Variants in ZFR2 observed in about 807,000 individuals in gnomAD.
The protein encoded by ZFR2 is zinc finger RNA binding protein 2.
A neutral mutation model predicts 105.7 loss-of-function variants in ZFR2; 104 were observed. The observed-to-expected ratio is 0.98, with a 90% confidence interval of 0.84 to 1.16. ZFR2 has a LOEUF of 1.16. ZFR2 is among the 50% of genes most tolerant of loss of function. ZFR2 has a pLI of 0.00. For missense variants in ZFR2, 1,425 were observed against 1,355.5 expected (o/e 1.05, Z -0.80); for synonymous variants, 634 against 597.7 (o/e 1.06, Z -0.89).
intron 14 of ZFR2, among the ~76,000 whole-genome samples, chr19:3,812,100 C>T (rs1265288781): frequency 8.5e-5 from 13 of 152,102 alleles, no homozygotes; most frequent in East Asian, 1.9e-4. Context: ...CACGCCACCA[C>T]GCCCAGCTAA....
At chr19:3,836,738 A>G (rs1176559471) in intron 1 of ZFR2, among the ~76,000 whole-genome samples, 1 of 152,150 alleles carries the variant, frequency 6.6e-6, no homozygotes, top group Non-Finnish European at 1.5e-5. Flanking sequence ...TAGACGAGAA[A>G]ACCTCCAAGG....
chr19:3,807,555 ACGTGTGTGTC>A (rs2037711015), intron 17 of ZFR2, among the ~76,000 whole-genome samples: 2 of 124,352 alleles, frequency 1.6e-5, no homozygotes, highest in East Asian at 2.4e-4. Context: ...ACATACGCTG[ACGTGTGTGTC>A]CATGCGTGCC....
At chr19:3,867,471 C>T (rs764820182) in intron 1 of ZFR2, among the ~76,000 whole-genome samples, 8 of 151,966 alleles carry the variant, frequency 5.3e-5, no homozygotes, top group Non-Finnish European at 8.8e-5. Flanking sequence ...AAACTTACCC[C>T]GTGTGTGTCC....
chr19:3,868,531 C>T (rs1445459348), intron 1 of ZFR2, among the ~76,000 whole-genome samples: 4 of 152,036 alleles, frequency 2.6e-5, no homozygotes, highest in Non-Finnish European at 5.9e-5. Flanking sequence ...TCCCAGGTCT[C>T]CTCCCTGCAT....
intron 16 of ZFR2, among the ~76,000 whole-genome samples, chr19:3,809,439 T>TC (rs1969612540): frequency 6.6e-6 from 1 of 151,588 alleles, no homozygotes; most frequent in Non-Finnish European, 1.5e-5. Context: ...TCCCACCACG[T>TC]CCCCCCTGTG....
chr19:3,832,639 T>TA (rs1281238204), intron 3 of ZFR2, among the ~76,000 whole-genome samples: 1 of 150,288 alleles, frequency 6.7e-6, no homozygotes, highest in African/African-American at 2.4e-5. Context: ...TTTTTTTTTT[T>TA]TATTTTTTAT....
chr19:3,815,253 C>G (rs1024063208), intron 13 of ZFR2, among the ~76,000 whole-genome samples: 32 of 152,120 alleles, frequency 2.1e-4, no homozygotes, highest in Non-Finnish European at 4.3e-4. Flanking sequence ...CCATGCCCGG[C>G]TAATTTTTGT....
chr19:3,810,690 A>C (rs1157677183), intron 16 of ZFR2, 60 bp downstream of exon 16: 4 of 1,466,472 alleles, frequency 2.7e-6, no homozygotes, highest in Admixed American at 4.3e-5. Context: ...TGGGCCTGTC[A>C]GGGCCATGGA....
In ZFR2 at chr19:3,823,352, G is replaced by A; in HGVS notation, c.1265C>T (p.Ala422Val). 1 of 1,613,852 alleles carries A rather than the reference G, an allele frequency of 6.2e-7. No individual in the cohort carries two copies. Among genetic ancestry groups the A allele is most frequent in the Non-Finnish European group, 8.5e-7 (1 of 1,179,798 alleles). Residue 422 changes from alanine to valine, a missense_variant, in exon 8 of 19, where the codon GCC becomes GTC. By Grantham distance (64) the Ala-to-Val change is moderately conservative (BLOSUM62 0). Coordinates refer to ENST00000262961, the MANE Select transcript of ZFR2 (RefSeq NM_015174.2). The surrounding 1 kb of genome is among the most constrained non-coding windows in gnomAD (Gnocchi z 5.4). ...TCCGGGACCCTCTAATTTAGGTTGG[G>A]CTGGTTTCCCCCACTGGGGTCTGCA... ...AGCRPQWGKP[A>V]QPKLEGPGAP...
At chr19:3,849,570 C>T (rs1217528538) in intron 1 of ZFR2, among the ~76,000 whole-genome samples, 1 of 152,236 alleles carries the variant, frequency 6.6e-6, no homozygotes, top group Non-Finnish European at 1.5e-5. Flanking sequence ...CAGACCTTGA[C>T]CAGTTAAGAA....
chr19:3,822,386 C>T (rs915369814), intron 8 of ZFR2, among the ~76,000 whole-genome samples, 186 bp from the exon 9 acceptor site: 2 of 150,840 alleles, frequency 1.3e-5, no homozygotes, highest in African/African-American at 4.9e-5. Context: ...GGTCTTGGCT[C>T]ACTGCAGCCT....
intron 1 of ZFR2, among the ~76,000 whole-genome samples, chr19:3,860,507 C>T (rs1410933301): frequency 2.6e-5 from 4 of 152,122 alleles, no homozygotes; most frequent in African/African-American, 7.2e-5. Context: ...TCGAGTTTCC[C>T]GAGCCTCGGG....
At chr19:3,854,007 C>T (rs1327000217) in intron 1 of ZFR2, among the ~76,000 whole-genome samples, 2 of 151,896 alleles carry the variant, frequency 1.3e-5, no homozygotes, top group Non-Finnish European at 2.9e-5. Flanking sequence ...TTGCTTAAGC[C>T]CTGGAGTTTG....
At chr19:3,812,724 G>C (rs1355543937) in intron 14 of ZFR2, among the ~76,000 whole-genome samples, 1 of 151,870 alleles carries the variant, frequency 6.6e-6, no homozygotes, top group Non-Finnish European at 1.5e-5. Flanking sequence ...GACTGATCGT[G>C]ACTTTCCATT....
Position 3,831,347 on chromosome 19 carries a change from G to A in ZFR2, c.808C>T (p.Leu270Phe), listed in dbSNP as rs1247690645. ...RPKAGPRQLQLHYCDICKISC... is the reference protein window; with the variant it reads ...RPKAGPRQLQFHYCDICKISC... ...ATCTTGCAGATGTCGCAGTAGTGAA[G>A]CTGGAGCTGCCTGGGCCCCGCCTTG... The change falls in exon 5 of 19, where the codon CTT (leucine) becomes TTT (phenylalanine). Residue 270 changes from leucine to phenylalanine, a missense_variant. Physicochemically the swap from Leu to Phe is conservative, Grantham distance 22. Coordinates refer to ENST00000262961, the MANE Select transcript of ZFR2 (RefSeq NM_015174.2). 6.4e-7 allele frequency: 1 copy of A among 1,558,198 alleles called. No individual in the cohort carries two copies. The highest frequency in any genetic ancestry group is 2.4e-5 in the East Asian group (1 of 41,858).
chr19:3,806,159 C>A, intron 18 of ZFR2, 34 bp from the exon 19 acceptor site: 1 of 1,401,016 alleles, frequency 7.1e-7, no homozygotes, highest in Non-Finnish European at 9.3e-7. Context: ...AGGACCCCCG[C>A]CCGCTCTGCT....
In ZFR2 at chr19:3,813,642, C is replaced by T. The variant is rs1031543295; in HGVS notation, c.2242+178G>A. On this transcript the variant is annotated intron_variant, in intron 14 of 18. Transcript: ENST00000262961. This position sits in a 1 kb window ranked among gnomAD's most constrained non-coding sequence, Gnocchi z 4.4. ...TCACCGACTCGCCGCCTCTGCTGCC[C>T]GGAGACCCAGCTCTTGTGTGACCCA... 2.0e-5 allele frequency among the ~76,000 whole-genome samples: 3 copies of T among 152,202 alleles called. No individual in the cohort carries two copies. The highest frequency in any genetic ancestry group is 4.4e-5 in the Non-Finnish European group (3 of 68,030).
chr19:3,865,935 G>T (rs562934425), intron 1 of ZFR2, among the ~76,000 whole-genome samples: 1 of 151,978 alleles, frequency 6.6e-6, no homozygotes, highest in Non-Finnish European at 1.5e-5. Context: ...TCCACCTCCC[G>T]CGTTCAAGAG....
At chr19:3,845,821 A>C (rs915966326) in intron 1 of ZFR2, among the ~76,000 whole-genome samples, 3 of 152,014 alleles carry the variant, frequency 2.0e-5, no homozygotes, top group Admixed American at 2.0e-4. Flanking sequence ...AAAAAAACTA[A>C]AAATAAGTCA....
Sources: gnomAD v4.1 joint callset for allele counts (sites outside exome capture counted in the v4.1 genomes callset) on GRCh38, gnomAD v4.1.1 for gene constraint, Gnocchi (gnomAD v3.1) non-coding constraint, MANE v1.5 for transcripts, NCBI Gene and HGNC (gene_info 2026-07-23, HGNC 2026-07-21) for gene names.